FCMR: variants seen among roughly 807,000 people sequenced by gnomAD.
FCMR encodes Fc mu receptor.
In FCMR, 34 loss-of-function variants were observed where a neutral mutation model predicts 41.6. The ratio of observed to expected loss-of-function variants is 0.82; its 90% CI spans 0.62 to 1.09. The LOEUF is 1.09. Ranked by LOEUF, FCMR falls within the 50% of genes least tolerant of loss-of-function variation. The pLI, the probability that FCMR is intolerant of heterozygous loss-of-function variation, is 0.00. For missense variants in FCMR, 496 were observed against 512.5 expected, an observed-to-expected ratio of 0.97 and a Z score of 0.31; for synonymous variants, 209 against 211.8, an observed-to-expected ratio of 0.99 and a Z score of 0.12.
In FCMR at chr1:206,909,749, G is replaced by A; in HGVS notation, c.961C>T (p.Arg321Cys). The change falls in exon 6 of 8, where the codon CGC becomes TGC. Residue 321 changes from arginine (R) to cysteine (C), a missense_variant. Physicochemically the swap from Arg to Cys is radical, Grantham distance 180. Coordinates refer to ENST00000367091, the MANE Select transcript of FCMR (RefSeq NM_005449.5). This position sits in a 1 kb window ranked among gnomAD's most constrained non-coding sequence, Gnocchi z 5.0. ...CCTGCAGCGTCCGCTCCACGAGCGC[G>A]CCGCGGGCAGGCGCTGTAGATGTTG... Reference protein sequence around the residue: ...QNNIYSACPRRARGADAAGTG... With the variant: ...QNNIYSACPRCARGADAAGTG... The A allele has an allele frequency of 6.8e-7, 1 of 1,462,368 alleles. No homozygotes were observed. The highest frequency in any genetic ancestry group is 9.0e-7 in the Non-Finnish European group (1 of 1,117,096). 90.6% of individuals were successfully genotyped at this position (1,462,368 alleles called of 1,614,324 possible). A position where few individuals can be genotyped will look rare whatever the true frequency, so the allele number is the denominator to read the frequency against.
rs755371109 is a variant in FCMR, at chr1:206,910,340, T to C, written c.711A>G (p.Arg237=). ...CAGACTGTGAGCCATAGTCCAGTGCTCTGGGGAGGGAAGGAAAGGGAGAGA... is the reference window on the plus strand; with the variant it reads ...CAGACTGTGAGCCATAGTCCAGTGCCCTGGGGAGGGAAGGAAAGGGAGAGA... ...YNHHTRLHRQ[R]ALDYGSQSGR... is the part of the protein sequence containing the mutation. The change falls in exon 5 of 8, where the codon AGA becomes AGG. Residue 237 remains arginine (R), a splice_region_variant and synonymous_variant. Transcript: ENST00000367091. The C allele has an allele frequency of 4.5e-6, 7 of 1,545,756 alleles. No individual in the cohort carries two copies. In the South Asian group the frequency reaches 7.4e-5, roughly 16 times the overall value.
At chr1:206,917,641 T>C (rs1323391483) in intron 1 of FCMR, among the ~76,000 whole-genome samples, 2 of 152,210 alleles carry the variant, frequency 1.3e-5, no homozygotes, top group African/African-American at 4.8e-5. Context: ...CTCCTTCTGT[T>C]TTTAAGACAG....
Position 206,914,085 on chromosome 1 carries a change from GC to G in FCMR, c.46del (p.Ala16ProfsTer2), listed in dbSNP as rs1679072294. On this transcript the variant is annotated frameshift_variant, in exon 2 of 8. Transcript: ENST00000367091. LOFTEE classifies it high-confidence loss of function. ...WPLYFLPVSG[A>X]LRILPEVKVE... The stretch of plus-strand genomic sequence containing the variant: ...CTTTACTTCTGGGAGGATCCTCAGG[GC>G]CCCCGATACTGCAGGGAGAGGAGAT... The G allele has an allele frequency of 7.4e-6, 12 of 1,612,736 alleles. No homozygotes were observed. The highest frequency in any genetic ancestry group is 8.5e-6 in the Non-Finnish European group (10 of 1,178,958).
intron 7 of FCMR, among the ~76,000 whole-genome samples, chr1:206,907,107 G>GGGGTGGT (rs1678693229): frequency 1.7e-5 from 1 of 58,502 alleles, no homozygotes; most frequent in African/African-American, 4.4e-5. Context: ...GGGGGGTGGG[G>GGGGTGGT]GGGGGGTGGG....
chr1:206,909,996 G>A lies in FCMR; in HGVS notation c.842-128C>T, dbSNP rs746477181. On this transcript the variant is annotated intron_variant, in intron 5 of 7. Transcript: ENST00000367091. This position sits in a 1 kb window ranked among gnomAD's most constrained non-coding sequence, Gnocchi z 5.0. ...TGACCTGGAGATGCTCCAAGCGTGG[G>A]GAATGTACGAGGCACGGCCTTGCCC... 2.5e-6 allele frequency: 3 copies of A among 1,198,616 alleles called. No individual in the cohort carries two copies. The highest frequency in any genetic ancestry group is 3.3e-6 in the Non-Finnish European group (3 of 909,576). 74.2% of individuals were successfully genotyped at this position (1,198,616 alleles called of 1,614,324 possible). A position where few individuals can be genotyped will look rare whatever the true frequency, so the allele number is the denominator to read the frequency against.
At chr1:206,912,895 C>T (rs753735963) in intron 3 of FCMR, 34 bp downstream of exon 3, 3 of 1,407,596 alleles carry the variant, frequency 2.1e-6, no homozygotes, top group African/African-American at 1.4e-5. Flanking sequence ...CAGCATCTCA[C>T]CCACCTCTCC....
In FCMR at chr1:206,921,460, G is replaced by A. The variant is rs146490817; in HGVS notation, c.37+358C>T. 505 of 423,642 alleles carry A rather than the reference G, an allele frequency of 1.2e-3. 1 individual carries two copies. The highest frequency in any genetic ancestry group is 3.1e-3 in the Admixed American group (112 of 36,706). The allele number at this position is 423,642 out of a possible 1,614,324, so 26.2% of individuals were successfully genotyped here. A position where few individuals can be genotyped will look rare whatever the true frequency, so the allele number is the denominator to read the frequency against. ...TACAAAAAAATTAAAAATTAGCTGGGCATGGTGGCATGCACTTGTAGTCCT... is the reference window on the plus strand; with the variant it reads ...TACAAAAAAATTAAAAATTAGCTGGACATGGTGGCATGCACTTGTAGTCCT... On this transcript the variant is annotated intron_variant, in intron 1 of 7. Coordinates refer to ENST00000367091, the MANE Select transcript of FCMR (RefSeq NM_005449.5).
At position 206,909,649 on chromosome 1, in the gene FCMR, G is replaced by A; in HGVS notation, c.985+76C>T. 7.5e-7 allele frequency: 1 copy of A among 1,339,874 alleles called. No individual in the cohort carries two copies. Among genetic ancestry groups the A allele is most frequent in the Non-Finnish European group, 9.5e-7 (1 of 1,047,232 alleles). The allele number at this position is 1,339,874 out of a possible 1,614,324, so 83.0% of individuals were successfully genotyped here. A position where few individuals can be genotyped will look rare whatever the true frequency, so the allele number is the denominator to read the frequency against. On this transcript the variant is annotated intron_variant, in intron 6 of 7. Coordinates refer to ENST00000367091, the MANE Select transcript of FCMR (RefSeq NM_005449.5). The surrounding 1 kb of genome is among the most constrained non-coding windows in gnomAD (Gnocchi z 5.0). ...GTGGGAAGCCCTGGCACCTGGGAGC[G>A]CGCCCCGCTGCGCCCGGCTTTCCCG...
intron 1 of FCMR, 75 bp downstream of exon 1, chr1:206,921,743 T>A: frequency 1.5e-6 from 2 of 1,362,442 alleles, no homozygotes; most frequent in Non-Finnish European, 2.1e-6. Flanking sequence ...GAGCTAGAGC[T>A]ACCAGGCAAT....
At chr1:206,907,478 C>T in intron 7 of FCMR, 1 of 403,242 alleles carries the variant, frequency 2.5e-6, no homozygotes, top group Non-Finnish European at 4.7e-6. Flanking sequence ...GCCACCTCTT[C>T]CTGTCCCTGT....
rs756493274 is a variant in FCMR, at chr1:206,914,042, G to A, written c.90C>T (p.Gly30=). 37 of 1,613,966 alleles carry A rather than the reference G, an allele frequency of 2.3e-5. No homozygotes were observed. Among genetic ancestry groups the A allele is most frequent in the Admixed American group, 3.3e-5 (2 of 59,998 alleles). ...LPEVKVEGEL[G]GSVTIKCPLP... ...GTGGGCACTTGATGGTAACTGATCC[G>A]CCCAGCTCCCCCTCTACCTTTACTT... The change falls in exon 2 of 8, where the codon GGC becomes GGT. Residue 30 remains glycine (G), a synonymous_variant. Transcript: ENST00000367091.
chr1:206,911,313 G>C (rs1678932501), intron 4 of FCMR, among the ~76,000 whole-genome samples: 1 of 151,734 alleles, frequency 6.6e-6, no homozygotes, highest in South Asian at 2.1e-4. Context: ...CTGCACCCCA[G>C]CCTTTAGACC....
In FCMR at chr1:206,910,192, C is replaced by G. The variant is rs904388489; in HGVS notation, c.841+18G>C. ...CTTTGGGCAGCTCAGCTCTCCCTAC[C>G]GAAGCCCAGCCGCTCACCTTTCCTC... On this transcript the variant is annotated intron_variant, in intron 5 of 7. Coordinates refer to ENST00000367091, the MANE Select transcript of FCMR (RefSeq NM_005449.5). 34 of 1,584,722 alleles carry G rather than the reference C, an allele frequency of 2.1e-5. No homozygotes were observed. Among genetic ancestry groups the G allele is most frequent in the Non-Finnish European group, 2.7e-5 (31 of 1,167,718 alleles).
chr1:206,921,380 C>T, intron 1 of FCMR: 1 of 446,882 alleles, frequency 2.2e-6, no homozygotes, highest in South Asian at 1.6e-5. Flanking sequence ...CCAGGAGGAT[C>T]ACTTAAGGCC....
At position 206,911,971 on chromosome 1, in the gene FCMR, A is replaced by G. The variant is rs1261693863; in HGVS notation, c.488-19T>C. The G allele has an allele frequency of 1.9e-6, 3 of 1,587,692 alleles. No homozygotes were observed. In the African/African-American group the frequency reaches 4.0e-5, roughly 21 times the overall value. On this transcript the variant is annotated intron_variant, in intron 3 of 7. Transcript: ENST00000367091. ...GTGGTAACTGCAGGAGGTAGCAGGA[A>G]AAAGGGATGTTCCTTTTATACACTC... is the stretch of plus-strand genomic sequence containing the variant.
chr1:206,911,625 C>G (rs1260803390), intron 4 of FCMR, 105 bp downstream of exon 4: 1 of 1,078,734 alleles, frequency 9.3e-7, no homozygotes, highest in East Asian at 2.4e-5. Context: ...TCACAGTGGC[C>G]TAGAGACAAA....
intron 5 of FCMR, 35 bp downstream of exon 5, chr1:206,910,175 A>C: frequency 1.3e-6 from 2 of 1,547,892 alleles, no homozygotes; most frequent in Non-Finnish European, 1.7e-6. Context: ...CTCTTTGGGC[A>C]GCTCAGCTCT....
intron 4 of FCMR, among the ~76,000 whole-genome samples, chr1:206,910,822 A>G (rs2102554622): frequency 6.6e-6 from 1 of 152,266 alleles, no homozygotes; most frequent in East Asian, 1.9e-4. Flanking sequence ...GCATATTGAA[A>G]TCTTACTTTT....
At chr1:206,915,044 T>C (rs115727949) in intron 1 of FCMR, among the ~76,000 whole-genome samples, 1,746 of 152,366 alleles carry the variant, frequency 0.011, 41 homozygotes, top group African/African-American at 0.04. Flanking sequence ...CAGGTTTTCC[T>C]TTCCAGTTTG....
Sources: allele counts gnomAD v4.1 joint callset (sites outside exome capture counted in the v4.1 genomes callset), GRCh38; gene constraint gnomAD v4.1.1; non-coding constraint Gnocchi (gnomAD v3.1); transcripts MANE v1.5; gene names NCBI Gene and HGNC (gene_info 2026-07-23, HGNC 2026-07-21).